CNTLN: variants seen among roughly 807,000 people sequenced by gnomAD.
CNTLN encodes centlein, centrosomal protein.
A neutral mutation model predicts 180.0 loss-of-function variants in CNTLN; 212 were observed. That is an observed-to-expected ratio of 1.18 (90% CI 1.05 to 1.32). The LOEUF is 1.32. Ranked by LOEUF, CNTLN falls within the 40% of genes most tolerant of loss-of-function variation. The pLI, the probability that CNTLN is intolerant of heterozygous loss-of-function variation, is 0.00. For synonymous variants in CNTLN, 722 were observed against 563.1 expected, an observed-to-expected ratio of 1.28 and a Z score of -3.99; for missense variants, 2,095 against 1,610.9, an observed-to-expected ratio of 1.30 and a Z score of -5.14.
At chr9:17,251,173 T>C (rs776918840) in intron 5 of CNTLN, among the ~76,000 whole-genome samples, 12 of 152,134 alleles carry the variant, frequency 7.9e-5, no homozygotes, top group Non-Finnish European at 1.5e-4. Flanking sequence ...ACTTTGAAGA[T>C]TGTCTCTTTT....
chr9:17,468,694 C>T (rs1258495685), intron 23 of CNTLN, among the ~76,000 whole-genome samples: 1 of 151,638 alleles, frequency 6.6e-6, no homozygotes, highest in Non-Finnish European at 1.5e-5. Context: ...TTATCATATA[C>T]TTGAAGTTTC....
At chr9:17,500,445 G>T (rs1227870431) in intron 25 of CNTLN, among the ~76,000 whole-genome samples, 1 of 152,166 alleles carries the variant, frequency 6.6e-6, no homozygotes, top group African/African-American at 2.4e-5. Context: ...AACACATTGT[G>T]GACTGGTGAA....
chr9:17,307,143 G>A (rs1023841498), intron 7 of CNTLN, among the ~76,000 whole-genome samples: 3 of 152,164 alleles, frequency 2.0e-5, no homozygotes, highest in Admixed American at 1.3e-4. Flanking sequence ...AGAAGGGAAA[G>A]TATAAATTGA....
At chr9:17,385,899 T>C (rs370884269) in intron 13 of CNTLN, among the ~76,000 whole-genome samples, 8 of 152,210 alleles carry the variant, frequency 5.3e-5, no homozygotes, top group African/African-American at 1.9e-4. Flanking sequence ...CAGGAACGAC[T>C]GTATGTGTTT....
In CNTLN at chr9:17,298,332, G is replaced by A. The variant is rs1032468295; in HGVS notation, c.1126G>A (p.Glu376Lys). Reference protein sequence around the residue: ...LRNQEDVHTAESISYQKLYNE... With the variant: ...LRNQEDVHTAKSISYQKLYNE... Reference sequence around the variant, plus strand: ...AAATCAGGAAGATGTTCACACAGCTGAAAGTATATCATATCAAAAAGTATG... The same window carrying A: ...AAATCAGGAAGATGTTCACACAGCTAAAAGTATATCATATCAAAAAGTATG... The change falls in exon 7 of 26, where the codon GAA (glutamate) becomes AAA (lysine). Residue 376 changes from glutamate to lysine, a missense_variant. Glu to Lys is a moderately conservative substitution (Grantham distance 56). Coordinates refer to ENST00000380647, the MANE Select transcript of CNTLN (RefSeq NM_017738.4). The A allele has an allele frequency of 1.9e-6, 3 of 1,612,024 alleles. No individual in the cohort carries two copies. In the African/African-American group the frequency reaches 4.0e-5, roughly 22 times the overall value.
chr9:17,196,436 T>C (rs574045333), intron 2 of CNTLN, among the ~76,000 whole-genome samples: 1 of 152,222 alleles, frequency 6.6e-6, no homozygotes, highest in East Asian at 1.9e-4. Flanking sequence ...ATGGAATATA[T>C]ACATAAAAAT....
intron 2 of CNTLN, among the ~76,000 whole-genome samples, chr9:17,165,904 C>T (rs1820038761): frequency 6.6e-6 from 1 of 152,216 alleles, no homozygotes; most frequent in Non-Finnish European, 1.5e-5. Flanking sequence ...AACAAAATGA[C>T]ACTTCCCCCA....
chr9:17,193,660 C>T (rs1403016312), intron 2 of CNTLN, among the ~76,000 whole-genome samples: 3 of 152,282 alleles, frequency 2.0e-5, no homozygotes, highest in East Asian at 1.9e-4. Flanking sequence ...CGAGTGTCAG[C>T]GGCTTTTCCA....
intron 13 of CNTLN, among the ~76,000 whole-genome samples, chr9:17,377,881 C>G (rs1452024094): frequency 6.6e-6 from 1 of 152,170 alleles, no homozygotes; most frequent in Non-Finnish European, 1.5e-5. Flanking sequence ...TATTCAAAAA[C>G]TTAAATAGAA....
chr9:17,518,675 G>A, the CNTLN span, among the ~76,000 whole-genome samples: 1 of 152,140 alleles, frequency 6.6e-6, no homozygotes, highest in African/African-American at 2.4e-5. Flanking sequence ...GTGGAGTGAG[G>A]CCCTGTGACT....
chr9:17,376,591 G>A (rs901510704), intron 13 of CNTLN, among the ~76,000 whole-genome samples: 55 of 151,924 alleles, frequency 3.6e-4, no homozygotes, highest in African/African-American at 8.7e-4. Flanking sequence ...AGCTGGGACT[G>A]CAGGCGCCCA....
At chr9:17,296,063 C>G (rs906548825) in intron 6 of CNTLN, among the ~76,000 whole-genome samples, 2 of 144,606 alleles carry the variant, frequency 1.4e-5, no homozygotes, top group African/African-American at 2.5e-5. Context: ...GCTCTGTCAC[C>G]CAGGTTGGAG....
the CNTLN span, among the ~76,000 whole-genome samples, chr9:17,526,713 G>T: frequency 1.3e-5 from 2 of 150,900 alleles, no homozygotes; most frequent in Admixed American, 1.3e-4. Context: ...TTCTCTAAGA[G>T]CTTTAAGAAC....
chr9:17,465,866 A>T, intron 21 of CNTLN, 115 bp from the exon 22 acceptor site: 1 of 718,666 alleles, frequency 1.4e-6, no homozygotes, highest in South Asian at 2.3e-5. Context: ...TGATAGCGTT[A>T]TGAGAAAATA....
intron 2 of CNTLN, among the ~76,000 whole-genome samples, chr9:17,200,035 C>T (rs1448403879): frequency 2.0e-5 from 3 of 152,040 alleles, no homozygotes; most frequent in Non-Finnish European, 4.4e-5. Context: ...GGAATGGGGC[C>T]AGTTTCTGTT....
chr9:17,330,652 A>G lies in CNTLN; in HGVS notation c.1362A>G (p.Leu454=), dbSNP rs777916473. Residue 454 remains leucine, a synonymous_variant, in exon 9 of 26, where the codon TTA becomes TTG. Coordinates refer to ENST00000380647, the MANE Select transcript of CNTLN (RefSeq NM_017738.4). Reference sequence around the variant, plus strand: ...AATAGGTACCTCATCGCCCATCCTTATCAAGCTTAGAAACGTTAATGGTTT... The same window carrying G: ...AATAGGTACCTCATCGCCCATCCTTGTCAAGCTTAGAAACGTTAATGGTTT... The part of the protein sequence containing the change: ...YSAQVPHRPS[L]SSLETLMVSQ... 1 of 1,600,292 alleles carries G rather than the reference A, an allele frequency of 6.2e-7. No homozygotes were observed. The highest frequency in any genetic ancestry group is 2.2e-5 in the East Asian group (1 of 44,458).
the CNTLN span, among the ~76,000 whole-genome samples, chr9:17,517,701 T>A: frequency 2.0e-5 from 3 of 152,082 alleles, no homozygotes; most frequent in Admixed American, 2.0e-4. Context: ...AGCAAGGCCA[T>A]TGGAGGGAAC....
At chr9:17,436,986 G>A (rs1829815671) in intron 18 of CNTLN, among the ~76,000 whole-genome samples, 1 of 152,194 alleles carries the variant, frequency 6.6e-6, no homozygotes, top group Non-Finnish European at 1.5e-5. Flanking sequence ...TTTGCCAGAT[G>A]AAGCACTTTT....
At chr9:17,345,217 C>T (rs1355485757) in intron 12 of CNTLN, among the ~76,000 whole-genome samples, 1 of 152,040 alleles carries the variant, frequency 6.6e-6, no homozygotes, top group Non-Finnish European at 1.5e-5. Flanking sequence ...AGGGAAATGC[C>T]CAGGAGTTGC....
Sources: gnomAD v4.1 joint callset for allele counts (sites outside exome capture counted in the v4.1 genomes callset) on GRCh38, gnomAD v4.1.1 for gene constraint, MANE v1.5 for transcripts, NCBI Gene and HGNC (gene_info 2026-07-23, HGNC 2026-07-21) for gene names.